The following IGF2R variants were observed in gnomAD, a reference collection of about 807,000 sequenced individuals.
The protein encoded by IGF2R is cation-independent mannose-6-phosphate receptor.
A neutral mutation model predicts 270.6 loss-of-function variants in IGF2R; 91 were observed. The observed-to-expected ratio is 0.34, with a 90% CI of 0.28 to 0.40. IGF2R has a LOEUF of 0.40. IGF2R is among the 10% of genes least tolerant of loss of function. The probability of loss-of-function intolerance (pLI) is 1.00; values close to 1 mark genes in which losing one functional copy is unlikely to be tolerated. For synonymous variants in IGF2R, 1,316 were observed against 1,258.9 expected, an observed-to-expected ratio of 1.05 and a Z score of -0.96; for missense variants, 2,805 against 3,188.3, an observed-to-expected ratio of 0.88 and a Z score of 2.90.
chr6:160,007,760 G>C (rs1784266667), intron 2 of IGF2R: 1 of 152,190 alleles, frequency 6.6e-6, no homozygotes, highest in Non-Finnish European at 1.5e-5. Flanking sequence ...AGAGATTCTT[G>C]ATGCTGGTTC....
chr6:160,068,064 GGGTGTGT>G (rs1164011389), intron 29 of IGF2R, among the ~76,000 whole-genome samples, 178 bp from the exon 30 acceptor site: 2 of 64,362 alleles, frequency 3.1e-5, no homozygotes, highest in African/African-American at 1.1e-4. Context: ...TTCTGATGGG[GGGTGTGT>G]GTGTGTGTGT....
chr6:159,970,932 G>A (rs539140505), intron 1 of IGF2R, among the ~76,000 whole-genome samples: 25 of 151,722 alleles, frequency 1.6e-4, no homozygotes, highest in African/African-American at 5.3e-4. Context: ...ATGAAAATTA[G>A]AGCCGGGCGC....
intron 10 of IGF2R, among the ~76,000 whole-genome samples, chr6:160,037,359 G>T (rs1777850441): frequency 6.6e-6 from 1 of 152,230 alleles, no homozygotes; most frequent in Non-Finnish European, 1.5e-5. Flanking sequence ...AACTCTGAGA[G>T]CAAATTGTGT....
In IGF2R at chr6:159,998,917, C is replaced by T. The variant is rs1784089091; in HGVS notation, c.289+7594C>T. Reference sequence around the variant, plus strand: ...ATATCTCATTTAATTCATTCAACAACCCTTTAAAGTAGGTGATTTCATTTC... The same window carrying T: ...ATATCTCATTTAATTCATTCAACAATCCTTTAAAGTAGGTGATTTCATTTC... On this transcript the variant is annotated intron_variant, in intron 2 of 47. Coordinates refer to ENST00000356956, the MANE Select transcript of IGF2R (RefSeq NM_000876.4). The surrounding 1 kb of genome is among the most constrained non-coding windows in gnomAD (Gnocchi z 4.1). 6.6e-6 allele frequency among the ~76,000 whole-genome samples: 1 copy of T among 152,200 alleles called. No homozygotes were observed. Among genetic ancestry groups the T allele is most frequent in the Non-Finnish European group, 1.5e-5 (1 of 68,030 alleles).
chr6:159,975,024 C>G (rs949885958), intron 1 of IGF2R, among the ~76,000 whole-genome samples: 4 of 152,128 alleles, frequency 2.6e-5, no homozygotes, highest in African/African-American at 9.7e-5. Flanking sequence ...TCGTTTTTCC[C>G]CAGGCACCAA....
chr6:160,051,826 G>A (rs1248804198), intron 19 of IGF2R, among the ~76,000 whole-genome samples: 1 of 152,120 alleles, frequency 6.6e-6, no homozygotes, highest in East Asian at 1.9e-4. Context: ...GCCAAGTGTG[G>A]TGGCTCATGC....
intron 1 of IGF2R, among the ~76,000 whole-genome samples, chr6:159,981,371 G>A (rs183912096): frequency 9.4e-4 from 143 of 152,178 alleles, no homozygotes; most frequent in Non-Finnish European, 1.8e-3. Context: ...GTCTGAGTGC[G>A]TGTGTCTCTG....
At chr6:159,985,719 G>T (rs1215627119) in intron 1 of IGF2R, among the ~76,000 whole-genome samples, 1 of 152,174 alleles carries the variant, frequency 6.6e-6, no homozygotes, top group Non-Finnish European at 1.5e-5. Flanking sequence ...TTCAGCCGGG[G>T]AGCACTGTCT....
At chr6:160,076,104 T>A in intron 36 of IGF2R, 108 bp downstream of exon 36, 1 of 1,118,780 alleles carries the variant, frequency 8.9e-7, no homozygotes, top group African/African-American at 1.5e-5. Context: ...ATTCAAAATG[T>A]CTGCCTTGGG....
rs538261540 is a variant in IGF2R at position 160,033,915 on chromosome 6, G to A, written c.1212-504G>A. On this transcript the variant is annotated intron_variant, in intron 9 of 47. Coordinates refer to ENST00000356956, the MANE Select transcript of IGF2R (RefSeq NM_000876.4). The stretch of plus-strand genomic sequence containing the variant: ...CTGAAAATGTGTTAGGGGCAGTTAC[G>A]ATTCAAAAATTAGGAACAGAAAACT... Among the ~76,000 whole-genome samples, 4 of 152,294 alleles carry A rather than the reference G, an allele frequency of 2.6e-5. No homozygotes were observed. The South Asian group carries it at 8.3e-4, about 32-fold the overall frequency.
chr6:160,080,807 G>A (rs1267694682), intron 39 of IGF2R, among the ~76,000 whole-genome samples: 1 of 152,080 alleles, frequency 6.6e-6, no homozygotes, highest in Non-Finnish European at 1.5e-5. Flanking sequence ...CGTGAGATGA[G>A]GGAAATGCAT....
At chr6:160,054,255 T>G (rs1332116094) in intron 19 of IGF2R, among the ~76,000 whole-genome samples, 2 of 152,318 alleles carry the variant, frequency 1.3e-5, no homozygotes, top group East Asian at 3.9e-4. Flanking sequence ...CACGAAGGGA[T>G]GGCACACACA....
chr6:160,034,569 A>G (rs377081787), intron 10 of IGF2R, 47 bp downstream of exon 10: 26 of 1,244,924 alleles, frequency 2.1e-5, no homozygotes, highest in Non-Finnish European at 2.6e-5. Flanking sequence ...ATTCATGGGC[A>G]TGTGCTTGTG....
At chr6:160,071,518 T>A (rs1023937597) in intron 31 of IGF2R, among the ~76,000 whole-genome samples, 1 of 152,204 alleles carries the variant, frequency 6.6e-6, no homozygotes, top group African/African-American at 2.4e-5. Flanking sequence ...TCTTTTTGTT[T>A]TGACTGTGAT....
intron 10 of IGF2R, among the ~76,000 whole-genome samples, chr6:160,038,526 A>G (rs1047274123): frequency 6.6e-6 from 1 of 152,252 alleles, no homozygotes; most frequent in African/African-American, 2.4e-5. Context: ...GTATTTAATT[A>G]TTTGTAAACT....
At chr6:159,978,750 C>A (rs905943248) in intron 1 of IGF2R, among the ~76,000 whole-genome samples, 2 of 152,180 alleles carry the variant, frequency 1.3e-5, no homozygotes, top group Non-Finnish European at 2.9e-5. Flanking sequence ...CAGAGGGGCA[C>A]TTTCCTGTGA....
intron 44 of IGF2R, chr6:160,093,874 A>T (rs1321240045): frequency 5.5e-6 from 4 of 726,022 alleles, no homozygotes; most frequent in Non-Finnish European, 1.0e-5. Context: ...GCAGTATCGC[A>T]GACAGGACCA....
intron 10 of IGF2R, among the ~76,000 whole-genome samples, chr6:160,039,113 A>G (rs1777886524): frequency 6.6e-6 from 1 of 152,074 alleles, no homozygotes; most frequent in Admixed American, 6.5e-5. Flanking sequence ...TCATTAGGCG[A>G]TTTTGTCATT....
chr6:160,065,810 G>GTGTGTGTGTGTA (rs1554246363), intron 29 of IGF2R, among the ~76,000 whole-genome samples: 20 of 72,944 alleles, frequency 2.7e-4, no homozygotes, highest in Admixed American at 6.7e-4. Flanking sequence ...GTGTGTGTGT[G>GTGTGTGTGTGTA]TGTGTATATA....
Sources: allele counts gnomAD v4.1 joint callset (sites outside exome capture counted in the v4.1 genomes callset), GRCh38; gene constraint gnomAD v4.1.1; non-coding constraint Gnocchi (gnomAD v3.1); transcripts MANE v1.5; gene names NCBI Gene and HGNC (gene_info 2026-07-23, HGNC 2026-07-21).